SPIDR: variants seen among roughly 807,000 people sequenced by gnomAD.
SPIDR encodes scaffold protein involved in DNA repair.
Under a neutral mutation model 104.6 loss-of-function variants are expected in SPIDR, and 93 were observed. The ratio of observed to expected loss-of-function variants is 0.89; its 90% CI spans 0.75 to 1.06. The LOEUF (loss-of-function observed/expected upper bound fraction) is 1.06. SPIDR is among the 50% of genes least tolerant of loss of function. The pLI is 0.00. For missense variants in SPIDR, 1,154 were observed against 1,111.2 expected (o/e 1.04, Z -0.55); for synonymous variants, 431 against 416.9 (o/e 1.03, Z -0.41).
At chr8:47,596,777 A>G (rs2061664879) in intron 9 of SPIDR, among the ~76,000 whole-genome samples, 1 of 152,144 alleles carries the variant, frequency 6.6e-6, no homozygotes, top group Admixed American at 6.5e-5. Context: ...TACAACACAA[A>G]TACATTGTAC....
At chr8:47,585,965 C>A (rs62539116) in intron 8 of SPIDR, among the ~76,000 whole-genome samples, 66,428 of 151,982 alleles carry the variant, frequency 0.44, 17,922 homozygotes, top group East Asian at 0.61. Flanking sequence ...CATATTCAAA[C>A]CATAGCAACC....
chr8:47,655,794 C>T (rs1204989892), intron 10 of SPIDR, among the ~76,000 whole-genome samples: 2 of 152,056 alleles, frequency 1.3e-5, no homozygotes, highest in African/African-American at 4.8e-5. Context: ...ACATGAAGTC[C>T]TTGCCCATGC....
chr8:47,374,328 C>T (rs2058402702), intron 5 of SPIDR, among the ~76,000 whole-genome samples: 1 of 152,008 alleles, frequency 6.6e-6, no homozygotes, highest in East Asian at 1.9e-4. Flanking sequence ...TCGAGACCAG[C>T]CTGGGCAACA....
chr8:47,311,997 G>A (rs1355056057), intron 5 of SPIDR, among the ~76,000 whole-genome samples: 1 of 152,116 alleles, frequency 6.6e-6, no homozygotes, highest in Non-Finnish European at 1.5e-5. Flanking sequence ...GCGATAGTTT[G>A]CTGAGAATGA....
chr8:47,584,726 T>C (rs1352568411), intron 8 of SPIDR, among the ~76,000 whole-genome samples: 2 of 152,192 alleles, frequency 1.3e-5, no homozygotes, highest in Non-Finnish European at 2.9e-5. Context: ...CTTTAAAAAA[T>C]TAACTTGAAT....
chr8:47,283,975 GT>G (rs1166029255), intron 2 of SPIDR, 52 bp from the exon 3 acceptor site: 245 of 1,354,586 alleles, frequency 1.8e-4, no homozygotes, highest in Non-Finnish European at 2.0e-4. Flanking sequence ...TTTTATAAAA[GT>G]TTTTTTTTAG....
intron 8 of SPIDR, among the ~76,000 whole-genome samples, chr8:47,499,163 T>G (rs927106422): frequency 6.6e-6 from 1 of 152,214 alleles, no homozygotes; most frequent in East Asian, 1.9e-4. Context: ...GGAAAATTGC[T>G]TTGGTAATAC....
intron 10 of SPIDR, among the ~76,000 whole-genome samples, chr8:47,604,052 A>T (rs1469393422): frequency 6.6e-6 from 1 of 152,182 alleles, no homozygotes; most frequent in African/African-American, 2.4e-5. Flanking sequence ...GTGCTCCTGG[A>T]GCATAGTTCT....
intron 7 of SPIDR, among the ~76,000 whole-genome samples, chr8:47,408,419 C>T (rs1554668861): frequency 6.6e-6 from 1 of 152,112 alleles, no homozygotes; most frequent in African/African-American, 2.4e-5. Context: ...TCCACCGTGC[C>T]CAGCTCCTCT....
chr8:47,630,676 T>C (rs568891596), intron 10 of SPIDR, among the ~76,000 whole-genome samples: 1 of 152,302 alleles, frequency 6.6e-6, no homozygotes, highest in African/African-American at 2.4e-5. Flanking sequence ...ACCTGTAGCT[T>C]GTCTCAGTTA....
At chr8:47,280,125 A>G in intron 2 of SPIDR, 108 bp downstream of exon 2, 2 of 1,143,496 alleles carry the variant, frequency 1.7e-6, no homozygotes, top group African/African-American at 1.5e-5. Context: ...TTCTTTCAGA[A>G]CACTGTAACT....
At chr8:47,549,801 T>A (rs1163807102) in intron 8 of SPIDR, among the ~76,000 whole-genome samples, 1 of 152,228 alleles carries the variant, frequency 6.6e-6, no homozygotes, top group Non-Finnish European at 1.5e-5. Flanking sequence ...TGGCTTTCGT[T>A]GCCATTGCTT....
At chr8:47,631,490 A>AT (rs1223048052) in intron 10 of SPIDR, among the ~76,000 whole-genome samples, 1 of 152,234 alleles carries the variant, frequency 6.6e-6, no homozygotes, top group African/African-American at 2.4e-5. Flanking sequence ...ATATTACTGA[A>AT]TATGTTCAAA....
chr8:47,541,855 C>T (rs1386887581), intron 8 of SPIDR, among the ~76,000 whole-genome samples: 4 of 152,030 alleles, frequency 2.6e-5, no homozygotes, highest in Admixed American at 6.6e-5. Context: ...TGCTTGAACC[C>T]GGGAGGCTGA....
At chr8:47,566,878 G>A (rs1033090751) in intron 8 of SPIDR, among the ~76,000 whole-genome samples, 2 of 152,148 alleles carry the variant, frequency 1.3e-5, no homozygotes, top group Admixed American at 1.3e-4. Context: ...AGATATCTTA[G>A]TGTAGATGTG....
chr8:47,293,456 AT>A (rs1173393851), intron 4 of SPIDR, among the ~76,000 whole-genome samples: 1 of 151,198 alleles, frequency 6.6e-6, no homozygotes, highest in Non-Finnish European at 1.5e-5. Context: ...CACTGTCTAA[AT>A]TTTTTTTGAG....
chr8:47,673,623 A>G (rs879164331), intron 10 of SPIDR, 178 bp from the exon 11 acceptor site: 1 of 771,180 alleles, frequency 1.3e-6, no homozygotes, highest in Non-Finnish European at 2.1e-6. Context: ...CCATTTAGGA[A>G]GATGACTACA....
At chr8:47,704,975 T>G (rs1464844926) in intron 14 of SPIDR, among the ~76,000 whole-genome samples, 1 of 152,236 alleles carries the variant, frequency 6.6e-6, no homozygotes, top group Non-Finnish European at 1.5e-5. Context: ...GGCACATTCC[T>G]GCTCTTCTGG....
At chr8:47,702,440 A>T (rs992855658) in intron 14 of SPIDR, among the ~76,000 whole-genome samples, 4 of 152,134 alleles carry the variant, frequency 2.6e-5, no homozygotes, top group Non-Finnish European at 4.4e-5. Flanking sequence ...GAATCTCAGG[A>T]TCGAGCTCAG....
Sources: gnomAD v4.1 joint callset for allele counts (sites outside exome capture counted in the v4.1 genomes callset) on GRCh38, gnomAD v4.1.1 for gene constraint, MANE v1.5 for transcripts, NCBI Gene and HGNC (gene_info 2026-07-23, HGNC 2026-07-21) for gene names.